CYBRD1: variants seen among roughly 807,000 people sequenced by gnomAD.
CYBRD1 encodes plasma membrane ascorbate-dependent reductase CYBRD1.
Under a neutral mutation model 21.9 loss-of-function variants are expected in CYBRD1, and 14 were observed. The ratio of observed to expected loss-of-function variants is 0.64; its 90% CI spans 0.42 to 1.00. The LOEUF is 1.00. CYBRD1 is among the 50% of genes least tolerant of loss of function. The probability of loss-of-function intolerance (pLI) is 0.00; values close to 1 mark genes in which losing one functional copy is unlikely to be tolerated. For missense variants in CYBRD1, 328 were observed against 352.5 expected, an observed-to-expected ratio of 0.93 and a Z score of 0.56; for synonymous variants, 146 against 136.5, an observed-to-expected ratio of 1.07 and a Z score of -0.48.
At chr2:171,533,849 T>C (rs1697508114) in intron 1 of CYBRD1, among the ~76,000 whole-genome samples, 1 of 148,934 alleles carries the variant, frequency 6.7e-6, no homozygotes, top group Admixed American at 6.7e-5. Flanking sequence ...GGACTACAGG[T>C]GTGAGCCACC....
At chr2:171,542,482 T>C (rs1022983246) in intron 2 of CYBRD1, among the ~76,000 whole-genome samples, 12 of 152,034 alleles carry the variant, frequency 7.9e-5, no homozygotes, top group African/African-American at 2.4e-4. Context: ...AGACTGTCTC[T>C]ACAAATAAAG....
rs759529949 is a variant in CYBRD1 at position 171,541,614 on chromosome 2, T to A, written c.223T>A (p.Trp75Arg). The change falls in exon 2 of 4, where the codon TGG (tryptophan) becomes AGG (arginine). Residue 75 changes from tryptophan to arginine, a missense_variant. By Grantham distance (101) the Trp-to-Arg change is moderately radical. Transcript: ENST00000321348. ...CATCGTCTACAGACTGCCGTGGACC[T>A]GGAAATGCAGCAAGCTCCTGATGAA... ...AIIVYRLPWT[W>R]KCSKLLMKSI... The A allele has an allele frequency of 5.0e-5, 81 of 1,613,876 alleles. No homozygotes were observed. Among genetic ancestry groups the A allele is most frequent in the Non-Finnish European group, 6.6e-5 (78 of 1,179,978 alleles).
intron 2 of CYBRD1, among the ~76,000 whole-genome samples, chr2:171,548,507 CA>C (rs1308024954): frequency 6.6e-6 from 1 of 151,956 alleles, no homozygotes; most frequent in African/African-American, 2.4e-5. Flanking sequence ...ACATCTGGGT[CA>C]TAAGAGGGGC....
chr2:171,535,849 A>G lies in CYBRD1; in HGVS notation c.194-5736A>G, dbSNP rs539677187. ...GAGATGAGGTTTCACTGGGTTGCCC[A>G]AGCTGGTCTTGAACTCCTGGGCTCA... On this transcript the variant is annotated intron_variant, in intron 1 of 3. Coordinates refer to ENST00000321348, the MANE Select transcript of CYBRD1 (RefSeq NM_024843.4). Among the ~76,000 whole-genome samples the G allele has an allele frequency of 7.2e-4, 109 of 152,278 alleles. 1 individual carries two copies. In the South Asian group the frequency reaches 0.023, roughly 32 times the overall value.
chr2:171,529,448 TTGA>T (rs1234874121), intron 1 of CYBRD1, among the ~76,000 whole-genome samples: 6 of 148,850 alleles, frequency 4.0e-5, no homozygotes, highest in African/African-American at 1.5e-4. Flanking sequence ...GGAGAATCGC[TTGA>T]ACCCAGGAGA....
In CYBRD1 at chr2:171,555,034, G is replaced by A. The variant is rs561603161; in HGVS notation, c.*207G>A. The A allele has an allele frequency of 3.3e-6, 2 of 610,040 alleles. No homozygotes were observed. The highest frequency in any genetic ancestry group is 4.0e-5 in the South Asian group (2 of 50,264). The allele number at this position is 610,040 out of a possible 1,614,324, so 37.8% of individuals were successfully genotyped here. ...GATGTGATTAATATAAATAATAGCAGATATAAATTGTGGTTATGTTACCTT... is the reference window on the plus strand; with the variant it reads ...GATGTGATTAATATAAATAATAGCAAATATAAATTGTGGTTATGTTACCTT... On this transcript the variant is annotated 3_prime_UTR_variant, in exon 4 of 4. Coordinates refer to ENST00000321348, the MANE Select transcript of CYBRD1 (RefSeq NM_024843.4).
At chr2:171,537,724 C>A (rs1697566289) in intron 1 of CYBRD1, among the ~76,000 whole-genome samples, 1 of 152,086 alleles carries the variant, frequency 6.6e-6, no homozygotes, top group Non-Finnish European at 1.5e-5. Flanking sequence ...CTTACAACTG[C>A]TTGTGAATCT....
chr2:171,547,684 C>T (rs910070404), intron 2 of CYBRD1, among the ~76,000 whole-genome samples: 7 of 151,978 alleles, frequency 4.6e-5, no homozygotes, highest in African/African-American at 1.7e-4. Flanking sequence ...TGTTTGGTGG[C>T]AGGAAATTGA....
Position 171,553,515 on chromosome 2 carries a change from C to G in CYBRD1, c.557+15C>G. On this transcript the variant is annotated intron_variant, in intron 3 of 3. Transcript: ENST00000321348. Reference sequence around the variant, plus strand: ...ATTTTTTCCCTGTAAGTTGCATAGTCTTCTTAATTGTAATACTTAAGCCAC... The same window carrying G: ...ATTTTTTCCCTGTAAGTTGCATAGTGTTCTTAATTGTAATACTTAAGCCAC... 6.2e-7 allele frequency: 1 copy of G among 1,607,464 alleles called. No individual in the cohort carries two copies. Among genetic ancestry groups the G allele is most frequent in the Non-Finnish European group, 8.5e-7 (1 of 1,176,300 alleles).
intron 1 of CYBRD1, among the ~76,000 whole-genome samples, chr2:171,537,749 A>G (rs1184687349): frequency 6.6e-6 from 1 of 152,160 alleles, no homozygotes; most frequent in Non-Finnish European, 1.5e-5. Flanking sequence ...TAATCTCAAA[A>G]TAGTTTAAAA....
chr2:171,524,561 T>C (rs745405586), intron 1 of CYBRD1, among the ~76,000 whole-genome samples: 5 of 152,218 alleles, frequency 3.3e-5, no homozygotes, highest in Non-Finnish European at 5.9e-5. Context: ...TGGCTAATAG[T>C]GATTGCATGC....
intron 2 of CYBRD1, among the ~76,000 whole-genome samples, chr2:171,546,640 C>T (rs1697719808): frequency 6.6e-6 from 1 of 152,202 alleles, no homozygotes. Context: ...GACATGCTCT[C>T]TGCCCTTGTA....
At chr2:171,542,457 C>G (rs1398170445) in intron 2 of CYBRD1, among the ~76,000 whole-genome samples, 2 of 152,020 alleles carry the variant, frequency 1.3e-5, no homozygotes, top group Non-Finnish European at 2.9e-5. Context: ...CAAGACCAGA[C>G]TGGGCAACAT....
At chr2:171,528,331 C>T (rs1423985366) in intron 1 of CYBRD1, among the ~76,000 whole-genome samples, 4 of 152,080 alleles carry the variant, frequency 2.6e-5, no homozygotes, top group Admixed American at 1.3e-4. Context: ...GTGATCTACC[C>T]GCCTCAGCCT....
intron 1 of CYBRD1, among the ~76,000 whole-genome samples, chr2:171,531,768 A>G (rs1045353482): frequency 2.6e-5 from 4 of 152,072 alleles, no homozygotes; most frequent in African/African-American, 9.7e-5. Flanking sequence ...CAAAGCCAGT[A>G]CTCTTTCTAA....
intron 3 of CYBRD1, among the ~76,000 whole-genome samples, chr2:171,553,855 G>A (rs1032705846): frequency 6.6e-6 from 1 of 152,082 alleles, no homozygotes; most frequent in African/African-American, 2.4e-5. Flanking sequence ...GGGTGTCCAG[G>A]TTCTTGGCGT....
At chr2:171,525,491 G>A (rs75594257) in intron 1 of CYBRD1, among the ~76,000 whole-genome samples, 5,925 of 152,212 alleles carry the variant, frequency 0.039, 375 homozygotes, top group African/African-American at 0.13. Flanking sequence ...TGGAAGGAGG[G>A]GGAGTAATAA....
rs149428156 is a variant in CYBRD1, at chr2:171,522,602, C to T, written c.57C>T (p.Val19=). 5.6e-6 allele frequency: 9 copies of T among 1,612,656 alleles called. No individual in the cohort carries two copies. The highest frequency in any genetic ancestry group is 7.6e-6 in the Non-Finnish European group (9 of 1,179,650). Residue 19 remains valine, a synonymous_variant, in exon 1 of 4, where the codon GTC becomes GTT. Transcript: ENST00000321348. This position sits in a 1 kb window ranked among gnomAD's most constrained non-coding sequence, Gnocchi z 4.3. ...CGCTGCTGGGGTCGGCACTGCTCGT[C>T]GGCTTCCTGTCGGTGATCTTCGCCC... ...FLALLGSALL[V]GFLSVIFALV...
intron 1 of CYBRD1, among the ~76,000 whole-genome samples, chr2:171,534,803 A>C (rs1697522202): frequency 6.6e-6 from 1 of 152,224 alleles, no homozygotes. Flanking sequence ...TCTTTCAACC[A>C]TAAGAAAAAA....
Sources: allele counts gnomAD v4.1 joint callset (sites outside exome capture counted in the v4.1 genomes callset), GRCh38; gene constraint gnomAD v4.1.1; non-coding constraint Gnocchi (gnomAD v3.1); transcripts MANE v1.5; gene names NCBI Gene and HGNC (gene_info 2026-07-23, HGNC 2026-07-21).